DDX10: variants seen among roughly 807,000 people sequenced by gnomAD.
The protein encoded by DDX10 is DEAD-box helicase 10, also known as probable ATP-dependent RNA helicase DDX10.
DDX10 carries 74 observed loss-of-function variants against 104.3 expected under a neutral mutation model. The ratio of observed to expected loss-of-function variants is 0.71; its 90% confidence interval spans 0.59 to 0.86. DDX10 has a LOEUF of 0.86. Ranked by LOEUF, DDX10 falls within the 40% of genes least tolerant of loss-of-function variation. The pLI, the probability that DDX10 is intolerant of heterozygous loss-of-function variation, is 0.00. For missense variants in DDX10, 952 were observed against 1,040.0 expected, an observed-to-expected ratio of 0.92 and a Z score of 1.16; for synonymous variants, 351 against 353.4, an observed-to-expected ratio of 0.99 and a Z score of 0.08.
At chr11:108,833,118 C>T (rs974360679) in intron 13 of DDX10, among the ~76,000 whole-genome samples, 7 of 152,204 alleles carry the variant, frequency 4.6e-5, no homozygotes, top group African/African-American at 1.7e-4. Context: ...AATACACCAT[C>T]AGTGGACAGC....
rs576731067 is a variant in DDX10 at position 108,675,708 on chromosome 11, T to C, written c.360T>C (p.Thr120=). The C allele has an allele frequency of 5.6e-5, 90 of 1,614,190 alleles. No individual in the cohort carries two copies. In the South Asian group the frequency reaches 9.4e-4, roughly 17 times the overall value. ...CGGCCAAAACTGGATCTGGCAAGAC[T>C]CTGGCTTTTCTTGTTCCAGTAAGTA... ...LGAAKTGSGK[T]LAFLVPVLEA... The change falls in exon 3 of 18, where the codon ACT becomes ACC. Residue 120 remains threonine (T), a synonymous_variant. Coordinates refer to ENST00000322536, the MANE Select transcript of DDX10 (RefSeq NM_004398.4).
At chr11:108,762,117 C>T (rs566472657) in intron 13 of DDX10, among the ~76,000 whole-genome samples, 1 of 152,228 alleles carries the variant, frequency 6.6e-6, no homozygotes, top group East Asian at 1.9e-4. Flanking sequence ...AACTCCCTTC[C>T]TTGCTCTAAA....
chr11:108,871,892 C>CA (rs1863087253), intron 16 of DDX10, among the ~76,000 whole-genome samples: 1 of 151,002 alleles, frequency 6.6e-6, no homozygotes, highest in Non-Finnish European at 1.5e-5. Flanking sequence ...CATGCCATTG[C>CA]ACTCCAGCCT....
chr11:108,677,531 A>G (rs942151935), intron 4 of DDX10, among the ~76,000 whole-genome samples: 4 of 151,946 alleles, frequency 2.6e-5, no homozygotes, highest in African/African-American at 7.3e-5. Context: ...TGGGAAAGAT[A>G]TTTCCATATA....
intron 13 of DDX10, among the ~76,000 whole-genome samples, chr11:108,800,312 GC>G (rs1407939434): frequency 2.0e-5 from 3 of 150,142 alleles, no homozygotes; most frequent in African/African-American, 7.3e-5. Flanking sequence ...AGGCATGGTG[GC>G]GGGTGCCTGT....
chr11:108,750,926 CTTTTTTTTTT>C (rs10582729), intron 13 of DDX10, among the ~76,000 whole-genome samples: 2 of 24,262 alleles, frequency 8.2e-5, no homozygotes, highest in African/African-American at 1.9e-4. Flanking sequence ...CACCTGGTTA[CTTTTTTTTTT>C]TTTTTTTTTT....
Position 108,916,698 on chromosome 11 carries a change from T to C in DDX10, c.2305-1175T>C, listed in dbSNP as rs558211210. Among the ~76,000 whole-genome samples the C allele has an allele frequency of 3.0e-4, 45 of 152,346 alleles. 1 individual carries two copies. Among genetic ancestry groups the C allele is most frequent in the African/African-American group, 3.6e-4 (15 of 41,580 alleles). ...ACTGAAATTTTTTTAGTCCCACTTATAATTTTCTGTTAAATGCATGTGCCA... is the reference window on the plus strand; with the variant it reads ...ACTGAAATTTTTTTAGTCCCACTTACAATTTTCTGTTAAATGCATGTGCCA... On this transcript the variant is annotated intron_variant, in intron 16 of 17. Transcript: ENST00000322536.
At chr11:108,852,014 T>C (rs1365308556) in intron 15 of DDX10, 139 bp from the exon 16 acceptor site, 2 of 649,892 alleles carry the variant, frequency 3.1e-6, no homozygotes, top group Non-Finnish European at 5.3e-6. Context: ...GCCAATCCCA[T>C]AGTAGTAGTC....
At chr11:108,682,604 T>G (rs1187028695) in intron 6 of DDX10, among the ~76,000 whole-genome samples, 1 of 152,230 alleles carries the variant, frequency 6.6e-6, no homozygotes, top group Non-Finnish European at 1.5e-5. Flanking sequence ...TTTGGGTCCC[T>G]TTACTTCTTC....
chr11:108,700,214 C>A lies in DDX10; in HGVS notation c.1224-6525C>A, dbSNP rs565635817. Among the ~76,000 whole-genome samples the A allele has an allele frequency of 2.0e-5, 3 of 152,292 alleles. No individual in the cohort carries two copies. The South Asian group carries it at 6.2e-4, about 32-fold the overall frequency. Reference sequence around the variant, plus strand: ...CTGTACCACACAAAGAACGAATGGACTGTGGTTTAGCCTTTTGCTTCCCAA... The same window carrying A: ...CTGTACCACACAAAGAACGAATGGAATGTGGTTTAGCCTTTTGCTTCCCAA... On this transcript the variant is annotated intron_variant, in intron 9 of 17. Transcript: ENST00000322536.
chr11:108,926,567 A>C (rs916990112), intron 17 of DDX10, among the ~76,000 whole-genome samples: 18 of 152,196 alleles, frequency 1.2e-4, no homozygotes, highest in African/African-American at 4.1e-4. Flanking sequence ...TTCTTAGATG[A>C]AATTGTTTTT....
intron 13 of DDX10, among the ~76,000 whole-genome samples, chr11:108,819,394 T>C (rs192512411): frequency 1.3e-5 from 2 of 152,268 alleles, no homozygotes; most frequent in East Asian, 3.9e-4. Flanking sequence ...GAAGAAAACA[T>C]TTAGATTAGC....
intron 13 of DDX10, among the ~76,000 whole-genome samples, chr11:108,759,350 G>A (rs1357552372): frequency 6.6e-6 from 1 of 151,990 alleles, no homozygotes; most frequent in Non-Finnish European, 1.5e-5. Flanking sequence ...TGGGATGGAT[G>A]ATAGTTTTTT....
intron 16 of DDX10, among the ~76,000 whole-genome samples, chr11:108,903,520 T>C (rs1863546501): frequency 2.0e-5 from 3 of 152,212 alleles, no homozygotes; most frequent in Admixed American, 2.0e-4. Context: ...ACAGACATTT[T>C]CTTGTCATTA....
At chr11:108,922,960 C>A (rs1221888100) in intron 17 of DDX10, among the ~76,000 whole-genome samples, 1 of 152,180 alleles carries the variant, frequency 6.6e-6, no homozygotes, top group Non-Finnish European at 1.5e-5. Context: ...CTTTCATGTG[C>A]TATTTTTGAT....
chr11:108,698,657 G>A lies in DDX10; in HGVS notation c.1223+5057G>A, dbSNP rs549022895. Among the ~76,000 whole-genome samples the A allele has an allele frequency of 1.6e-4, 24 of 152,214 alleles. No individual in the cohort carries two copies. The East Asian group carries it at 4.4e-3, about 28-fold the overall frequency. On this transcript the variant is annotated intron_variant, in intron 9 of 17. Coordinates refer to ENST00000322536, the MANE Select transcript of DDX10 (RefSeq NM_004398.4). The stretch of plus-strand genomic sequence containing the variant: ...CCAGGCACCCCTTAGGAATAGGGGT[G>A]CCCCCACTTTATTCTCCTGTCTAGT...
At chr11:108,782,793 A>C (rs1226289160) in intron 13 of DDX10, among the ~76,000 whole-genome samples, 1 of 152,112 alleles carries the variant, frequency 6.6e-6, no homozygotes, top group Non-Finnish European at 1.5e-5. Context: ...TTGGGAGTAT[A>C]CATAGAATCC....
At chr11:108,676,947 T>A (rs2094226165) in intron 3 of DDX10, 138 bp from the exon 4 acceptor site, 1 of 680,060 alleles carries the variant, frequency 1.5e-6, no homozygotes, top group African/African-American at 1.8e-5. Flanking sequence ...CAAAATCATT[T>A]ACTTTGGACT....
intron 13 of DDX10, among the ~76,000 whole-genome samples, chr11:108,748,578 A>G (rs2094334617): frequency 6.6e-6 from 1 of 152,224 alleles, no homozygotes; most frequent in Non-Finnish European, 1.5e-5. Context: ...ATTAAAATAG[A>G]AATCAGTAAG....
Sources: allele counts gnomAD v4.1 joint callset (sites outside exome capture counted in the v4.1 genomes callset), GRCh38; gene constraint gnomAD v4.1.1; transcripts MANE v1.5; gene names NCBI Gene and HGNC (gene_info 2026-07-23, HGNC 2026-07-21).